Variants in PAH observed in about 807,000 individuals in gnomAD.
PAH encodes the protein phenylalanine-4-hydroxylase.
Under a neutral mutation model 62.0 loss-of-function variants are expected in PAH, and 64 were observed. The observed-to-expected ratio is 1.03, with a 90% CI of 0.84 to 1.27. PAH has a LOEUF of 1.27. Among genes scored for constraint, PAH ranks in the 50% most tolerant of loss-of-function variants. The probability of loss-of-function intolerance (pLI) is 0.00; values close to 1 mark genes in which losing one functional copy is unlikely to be tolerated. For synonymous variants in PAH, 195 were observed against 196.2 expected, an observed-to-expected ratio of 0.99 and a Z score of 0.05; for missense variants, 579 against 542.8, an observed-to-expected ratio of 1.07 and a Z score of -0.66.
At chr12:102,941,861 T>G (rs1299229219) in intron 1 of PAH, among the ~76,000 whole-genome samples, 2 of 152,088 alleles carry the variant, frequency 1.3e-5, no homozygotes, top group East Asian at 1.9e-4. Flanking sequence ...CAGAAAAGGC[T>G]TTTGATAAAA....
chr12:102,912,378 G>C (rs933025560), intron 2 of PAH, among the ~76,000 whole-genome samples: 7 of 152,038 alleles, frequency 4.6e-5, no homozygotes, highest in African/African-American at 1.7e-4. Flanking sequence ...TATTAATTTA[G>C]TGAATAAAAG....
intron 3 of PAH, among the ~76,000 whole-genome samples, chr12:102,888,064 G>A (rs539505986): frequency 4.0e-4 from 61 of 152,250 alleles, no homozygotes; most frequent in Admixed American, 8.5e-4. Flanking sequence ...GGAGTTTTGG[G>A]AGTTTGGACT....
intron 1 of PAH, among the ~76,000 whole-genome samples, chr12:102,924,072 C>G (rs1878622888): frequency 1.3e-5 from 2 of 152,182 alleles, no homozygotes; most frequent in Admixed American, 1.3e-4. Flanking sequence ...ACCACCCTAA[C>G]TTGGTATAAG....
intron 1 of PAH, chr12:102,958,184 G>A (rs1172616003): frequency 2.3e-6 from 3 of 1,327,398 alleles, no homozygotes; most frequent in Non-Finnish European, 2.9e-6. Flanking sequence ...TCCCCCTCGC[G>A]GGCCCCGCAC....
In PAH at chr12:102,867,916, TATACATATATA is replaced by T. The variant is rs1184101380; in HGVS notation, c.442-1264_442-1254del. On this transcript the variant is annotated intron_variant, in intron 4 of 12. Coordinates refer to ENST00000553106, the MANE Select transcript of PAH (RefSeq NM_000277.3). Reference sequence around the variant, plus strand: ...ATATATAGATGTATATATACATGTATATACATATATAGATGTATATATACATGTATATACAT... The same window carrying T: ...ATATATAGATGTATATATACATGTATGATGTATATATACATGTATATACAT... 2.7e-3 allele frequency among the ~76,000 whole-genome samples: 390 copies of T among 143,658 alleles called. 6 individuals carry two copies. Among genetic ancestry groups the T allele is most frequent in the Non-Finnish European group, 5.1e-3 (336 of 65,504 alleles). 94.2% of individuals were successfully genotyped at this position (143,658 alleles called of 152,430 possible).
intron 8 of PAH, among the ~76,000 whole-genome samples, chr12:102,849,778 C>T (rs1249594497): frequency 2.0e-5 from 3 of 152,196 alleles, no homozygotes; most frequent in Admixed American, 2.0e-4. Flanking sequence ...TTGCCTACAA[C>T]AAGGGGGGCC....
chr12:102,903,372 A>AAC (rs1877840681), intron 2 of PAH, among the ~76,000 whole-genome samples: 1 of 87,076 alleles, frequency 1.1e-5, no homozygotes, highest in Non-Finnish European at 2.3e-5. Flanking sequence ...AAAAAAAAAA[A>AAC]CACACACACA....
intron 1 of PAH, among the ~76,000 whole-genome samples, chr12:102,947,960 C>A (rs1203981104): frequency 2.6e-5 from 4 of 152,178 alleles, no homozygotes; most frequent in African/African-American, 4.8e-5. Context: ...TTCTCCCTCA[C>A]TCATCCTCAG....
chr12:102,840,658 G>A (rs780191854), intron 11 of PAH, 143 bp from the exon 12 acceptor site: 31 of 692,456 alleles, frequency 4.5e-5, no homozygotes, highest in South Asian at 9.2e-5. Context: ...GGGCTGAGGC[G>A]GGGGGAATGG....
At chr12:102,876,341 G>C (rs1335476856) in intron 4 of PAH, among the ~76,000 whole-genome samples, 1 of 152,174 alleles carries the variant, frequency 6.6e-6, no homozygotes, top group Non-Finnish European at 1.5e-5. Context: ...TCTGCCACTA[G>C]CTAGGCCTTT....
exon 1 of PAH, chr12:102,958,286 G>A: frequency 6.8e-7 from 1 of 1,477,016 alleles, no homozygotes; most frequent in Non-Finnish European, 8.9e-7. Context: ...GCGCCGGCCA[G>A]CAGCCCCAGC....
At chr12:102,947,898 A>C (rs576034010) in intron 1 of PAH, among the ~76,000 whole-genome samples, 24 of 152,290 alleles carry the variant, frequency 1.6e-4, no homozygotes, top group African/African-American at 5.5e-4. Flanking sequence ...GTCTGAGTCC[A>C]AAGTTAGGAG....
chr12:102,889,824 C>T (rs1371312354), intron 3 of PAH, among the ~76,000 whole-genome samples: 2 of 152,184 alleles, frequency 1.3e-5, no homozygotes. Flanking sequence ...AATTTTCTAG[C>T]CCCCACTAAA....
chr12:102,952,209 C>A (rs1471339324), upstream of PAH, among the ~76,000 whole-genome samples: 1 of 152,166 alleles, frequency 6.6e-6, no homozygotes, highest in African/African-American at 2.4e-5. Context: ...CTCCACGCTT[C>A]TTTTCTAAAC....
At chr12:102,873,342 T>C (rs1471585011) in intron 4 of PAH, among the ~76,000 whole-genome samples, 2 of 152,210 alleles carry the variant, frequency 1.3e-5, no homozygotes, top group Non-Finnish European at 2.9e-5. Flanking sequence ...CAATTCTCAC[T>C]CTCTCTTCTC....
At chr12:102,913,582 A>C (rs1565873767) in intron 1 of PAH, among the ~76,000 whole-genome samples, 1 of 152,190 alleles carries the variant, frequency 6.6e-6, no homozygotes, top group Non-Finnish European at 1.5e-5. Flanking sequence ...AATATTGAGA[A>C]GTATATAAAA....
intron 5 of PAH, among the ~76,000 whole-genome samples, chr12:102,861,028 A>T (rs1468385799): frequency 6.6e-6 from 1 of 152,254 alleles, no homozygotes; most frequent in Non-Finnish European, 1.5e-5. Flanking sequence ...AAAAGAAACT[A>T]CCATCAGAGT....
intron 2 of PAH, among the ~76,000 whole-genome samples, chr12:102,896,988 T>C (rs1281999041): frequency 6.6e-6 from 1 of 152,172 alleles, no homozygotes; most frequent in East Asian, 1.9e-4. Flanking sequence ...CTTTAACCAA[T>C]ACCCTAGTGA....
chr12:102,864,993 A>T (rs540564897), intron 5 of PAH, among the ~76,000 whole-genome samples: 9 of 152,328 alleles, frequency 5.9e-5, no homozygotes, highest in African/African-American at 2.2e-4. Context: ...CACATCAGTT[A>T]GTTAATCATG....
Sources: allele counts gnomAD v4.1 joint callset (sites outside exome capture counted in the v4.1 genomes callset), GRCh38; gene constraint gnomAD v4.1.1; transcripts MANE v1.5; gene names NCBI Gene and HGNC (gene_info 2026-07-23, HGNC 2026-07-21).